Variants in FTCDNL1 observed in about 807,000 individuals in gnomAD.
The protein encoded by FTCDNL1 is formiminotransferase cyclodeaminase N-terminal like, also known as formiminotransferase N-terminal subdomain-containing protein.
A neutral mutation model predicts 5.9 loss-of-function variants in FTCDNL1; 11 were observed. That is an observed-to-expected ratio of 1.87 (90% CI 1.18 to 3.10). The LOEUF is 3.10. FTCDNL1 is among the 30% of genes most tolerant of loss of function. The probability of loss-of-function intolerance (pLI) is 0.00; values close to 1 mark genes in which losing one functional copy is unlikely to be tolerated. For synonymous variants in FTCDNL1, 58 were observed against 24.8 expected, an observed-to-expected ratio of 2.34 and a Z score of -3.99; for missense variants, 115 against 65.5, an observed-to-expected ratio of 1.76 and a Z score of -2.61.
the FTCDNL1 span, among the ~76,000 whole-genome samples, chr2:199,727,694 G>T: frequency 2.7e-4 from 41 of 152,080 alleles, no homozygotes; most frequent in Admixed American, 1.3e-3. Context: ...GACTGGAGCT[G>T]CTTCTAATCA....
the FTCDNL1 span, among the ~76,000 whole-genome samples, chr2:199,703,808 A>G: frequency 6.6e-6 from 1 of 152,172 alleles, no homozygotes; most frequent in African/African-American, 2.4e-5. Context: ...TATTGTATGT[A>G]TTTAAATTTT....
chr2:199,749,852 A>G, the FTCDNL1 span, among the ~76,000 whole-genome samples: 1 of 152,114 alleles, frequency 6.6e-6, no homozygotes, highest in African/African-American at 2.4e-5. Context: ...CAGAAACAGC[A>G]CATGATATTT....
chr2:199,825,063 G>A (rs962132040), intron 3 of FTCDNL1, among the ~76,000 whole-genome samples: 52 of 151,580 alleles, frequency 3.4e-4, no homozygotes, highest in African/African-American at 1.2e-3. Context: ...GCTTCAGCCT[G>A]GGAGACCAAG....
rs961679230 is a variant in FTCDNL1 at position 199,819,895 on chromosome 2, C to G, written c.212-138G>C. On this transcript the variant is annotated intron_variant, in intron 3 of 4. Coordinates refer to ENST00000420128, the MANE Select transcript of FTCDNL1 (RefSeq NM_001363886.2). ...TTTAGTCATTTCTAAGTGTCCAGAT[C>G]AGTGGCATGAAGTTGCACACTGTTG... is the stretch of plus-strand genomic sequence containing the variant. 8.3e-6 allele frequency: 5 copies of G among 601,980 alleles called. No individual in the cohort carries two copies. In the African/African-American group the frequency reaches 9.3e-5, roughly 11 times the overall value. The allele number at this position is 601,980 out of a possible 1,614,324, so 37.3% of individuals were successfully genotyped here.
chr2:199,689,703 C>A, the FTCDNL1 span, among the ~76,000 whole-genome samples: 3 of 150,546 alleles, frequency 2.0e-5, no homozygotes, highest in African/African-American at 7.3e-5. Flanking sequence ...GTAAGCTACT[C>A]GGGAGGCTGA....
intron 3 of FTCDNL1, among the ~76,000 whole-genome samples, chr2:199,825,281 A>T (rs570465716): frequency 6.6e-6 from 1 of 152,216 alleles, no homozygotes; most frequent in East Asian, 1.9e-4. Context: ...GACTCACTTG[A>T]TGCAGGGTTG....
At chr2:199,671,904 AT>A in the FTCDNL1 span, among the ~76,000 whole-genome samples, 6 of 152,098 alleles carry the variant, frequency 3.9e-5, no homozygotes, top group Non-Finnish European at 7.4e-5. Context: ...AAAATAAGAA[AT>A]TCCTTCTTTT....
the FTCDNL1 span, among the ~76,000 whole-genome samples, chr2:199,729,561 GACAA>G: frequency 1.6e-3 from 245 of 152,272 alleles, no homozygotes; most frequent in East Asian, 7.0e-3. Flanking sequence ...ACCAATAACA[GACAA>G]ACAGAGAGCC....
chr2:199,763,569 TG>T (rs1318158263), intron 3 of FTCDNL1, among the ~76,000 whole-genome samples: 2 of 152,188 alleles, frequency 1.3e-5, no homozygotes, highest in African/African-American at 4.8e-5. Context: ...GTTTCCTGCC[TG>T]GATCTGCCAG....
chr2:199,735,031 G>GTTAGTAT, the FTCDNL1 span, among the ~76,000 whole-genome samples: 1 of 141,018 alleles, frequency 7.1e-6, no homozygotes, highest in Non-Finnish European at 1.5e-5. Flanking sequence ...CCACAAAGGT[G>GTTAGTAT]TCTCAAAACG....
intron 3 of FTCDNL1, among the ~76,000 whole-genome samples, chr2:199,765,514 ATC>A (rs1490653557): frequency 7.9e-6 from 1 of 127,130 alleles, no homozygotes; most frequent in East Asian, 2.6e-4. Context: ...ACCACGTGGC[ATC>A]TCTTTTTTGT....
At chr2:199,773,963 T>C (rs1460618468) in intron 3 of FTCDNL1, among the ~76,000 whole-genome samples, 1 of 152,234 alleles carries the variant, frequency 6.6e-6, no homozygotes, top group Non-Finnish European at 1.5e-5. Flanking sequence ...TGCTGGTCCC[T>C]GTCTGAGTGA....
At chr2:199,740,306 G>A in the FTCDNL1 span, among the ~76,000 whole-genome samples, 2 of 152,170 alleles carry the variant, frequency 1.3e-5, no homozygotes, top group African/African-American at 4.8e-5. Flanking sequence ...CTGGAGAAGA[G>A]AAAACTCTGC....
chr2:199,740,634 T>C, the FTCDNL1 span, among the ~76,000 whole-genome samples: 1 of 152,110 alleles, frequency 6.6e-6, no homozygotes, highest in South Asian at 2.1e-4. Context: ...GAAAGGCCCA[T>C]CCAATGGATT....
the FTCDNL1 span, among the ~76,000 whole-genome samples, chr2:199,753,749 C>T: frequency 6.6e-6 from 1 of 152,000 alleles, no homozygotes; most frequent in African/African-American, 2.4e-5. Context: ...AAATACATAA[C>T]TAAAAAATGA....
chr2:199,697,101 T>A, the FTCDNL1 span, among the ~76,000 whole-genome samples: 1 of 151,950 alleles, frequency 6.6e-6, no homozygotes, highest in Non-Finnish European at 1.5e-5. Flanking sequence ...TGAAACCCCA[T>A]CTCTACTAAA....
At chr2:199,816,114 T>C (rs1223328977) in intron 4 of FTCDNL1, among the ~76,000 whole-genome samples, 1 of 152,228 alleles carries the variant, frequency 6.6e-6, no homozygotes, top group Non-Finnish European at 1.5e-5. Flanking sequence ...AGTCTTAAAC[T>C]CTACTATCTG....
At chr2:199,761,180 T>G (rs575241901) in intron 3 of FTCDNL1, among the ~76,000 whole-genome samples, 18 of 152,184 alleles carry the variant, frequency 1.2e-4, no homozygotes, top group African/African-American at 3.1e-4. Flanking sequence ...AATATTCTGG[T>G]GTAATGACAG....
At chr2:199,795,689 A>G (rs1488639500) in intron 3 of FTCDNL1, among the ~76,000 whole-genome samples, 1 of 152,202 alleles carries the variant, frequency 6.6e-6, no homozygotes, top group Non-Finnish European at 1.5e-5. Flanking sequence ...GTGATCTGGA[A>G]ACACCAGAAG....
Sources: allele counts gnomAD v4.1 joint callset (sites outside exome capture counted in the v4.1 genomes callset), GRCh38; gene constraint gnomAD v4.1.1; transcripts MANE v1.5; gene names NCBI Gene and HGNC (gene_info 2026-07-23, HGNC 2026-07-21).